ENTPD1: variants seen among roughly 807,000 people sequenced by gnomAD.
ENTPD1 encodes ectonucleoside triphosphate diphosphohydrolase 1.
ENTPD1 carries 33 observed loss-of-function variants against 57.0 expected under a neutral mutation model. The ratio of observed to expected loss-of-function variants is 0.58; its 90% CI spans 0.44 to 0.77. The LOEUF is 0.77. ENTPD1 is among the 30% of genes least tolerant of loss of function. The probability of loss-of-function intolerance (pLI) is 0.00; values close to 1 mark genes in which losing one functional copy is unlikely to be tolerated. For synonymous variants in ENTPD1, 202 were observed against 218.8 expected, an observed-to-expected ratio of 0.92 and a Z score of 0.68; for missense variants, 501 against 603.4, an observed-to-expected ratio of 0.83 and a Z score of 1.78.
At chr10:95,728,391 G>A (rs17553047) in intron 1 of ENTPD1, among the ~76,000 whole-genome samples, 1,800 of 152,290 alleles carry the variant, frequency 0.012, 18 homozygotes, top group South Asian at 0.017. Flanking sequence ...TATGGATACT[G>A]TAAGTTTATG....
intron 1 of ENTPD1, among the ~76,000 whole-genome samples, chr10:95,733,913 C>T (rs1323827304): frequency 6.6e-6 from 1 of 152,124 alleles, no homozygotes; most frequent in Non-Finnish European, 1.5e-5. Flanking sequence ...CCTTTGAAGA[C>T]CAAGAAAGAG....
chr10:95,699,942 A>G, the ENTPD1 span, among the ~76,000 whole-genome samples: 1 of 152,248 alleles, frequency 6.6e-6, no homozygotes, highest in Non-Finnish European at 1.5e-5. Context: ...AACTAGCGAT[A>G]GCAAGTAAGA....
chr10:95,826,701 G>A (rs990266571), intron 2 of ENTPD1, among the ~76,000 whole-genome samples: 4 of 152,126 alleles, frequency 2.6e-5, no homozygotes, highest in African/African-American at 9.7e-5. Context: ...ATATAAAGAT[G>A]GGGAGGTACG....
intron 1 of ENTPD1, among the ~76,000 whole-genome samples, chr10:95,809,464 C>T: frequency 6.7e-6 from 1 of 149,880 alleles, no homozygotes; most frequent in Admixed American, 6.6e-5. Context: ...AGGCGCCCCC[C>T]ACCTCCCAGA....
intron 1 of ENTPD1, among the ~76,000 whole-genome samples, chr10:95,792,178 G>A (rs991268178): frequency 6.6e-6 from 1 of 152,142 alleles, no homozygotes; most frequent in African/African-American, 2.4e-5. Flanking sequence ...CTTTGCCTGG[G>A]ACTGAGAGGT....
intron 1 of ENTPD1, among the ~76,000 whole-genome samples, chr10:95,804,436 C>T (rs1486639825): frequency 2.0e-5 from 3 of 152,158 alleles, no homozygotes; most frequent in Admixed American, 6.5e-5. Context: ...GTATTTTATT[C>T]TCTTTGAAGC....
chr10:95,837,049 T>C (rs557423360), intron 2 of ENTPD1, among the ~76,000 whole-genome samples: 2 of 152,332 alleles, frequency 1.3e-5, no homozygotes, highest in South Asian at 2.1e-4. Flanking sequence ...TAAAATATGC[T>C]TTACCCCCTT....
intron 9 of ENTPD1, among the ~76,000 whole-genome samples, chr10:95,865,423 T>C (rs1462866035): frequency 6.6e-6 from 1 of 152,176 alleles, no homozygotes; most frequent in Non-Finnish European, 1.5e-5. Flanking sequence ...TATCCAGGAA[T>C]AGAGAACCCA....
Position 95,857,799 on chromosome 10 carries a change from AT to A in ENTPD1, c.1075-2668del, listed in dbSNP as rs372109805. On this transcript the variant is annotated intron_variant, in intron 7 of 9. Coordinates refer to ENST00000371205, the MANE Select transcript of ENTPD1 (RefSeq NM_001776.6). ...CCGCGCCTGCCATCACAGAGTTGGC[AT>A]TCTAGAAAGCAGGCAGACATGAGAC... 1.1e-3 allele frequency among the ~76,000 whole-genome samples: 167 copies of A among 152,342 alleles called. 2 individuals are homozygous for A. The East Asian group carries it at 0.027, about 25-fold the overall frequency.
intron 1 of ENTPD1, among the ~76,000 whole-genome samples, chr10:95,806,762 G>T (rs1419879277): frequency 6.6e-6 from 1 of 152,190 alleles, no homozygotes; most frequent in African/African-American, 2.4e-5. Context: ...CTGCAGGTCT[G>T]TTGGAGTTTG....
Position 95,839,751 on chromosome 10 carries a change from G to A in ENTPD1, c.205G>A (p.Ala69Thr), listed in dbSNP as rs746636993. The change falls in exon 3 of 10, where the codon GCA becomes ACA. Residue 69 changes from alanine to threonine, a missense_variant. Transcript: ENST00000371205. ...HTSLYIYKWPAEKENDTGVVH... is the reference protein window; with the variant it reads ...HTSLYIYKWPTEKENDTGVVH... Reference sequence around the variant, plus strand: ...AAGTTTATACATCTATAAGTGGCCAGCAGAAAAGGAGAATGACACAGGCGT... The same window carrying A: ...AAGTTTATACATCTATAAGTGGCCAACAGAAAAGGAGAATGACACAGGCGT... The A allele has an allele frequency of 6.8e-6, 11 of 1,614,094 alleles. No individual in the cohort carries two copies. The East Asian group carries it at 2.5e-4, about 36-fold the overall frequency.
At chr10:95,813,291 A>T (rs1206634593) in intron 1 of ENTPD1, among the ~76,000 whole-genome samples, 1 of 152,188 alleles carries the variant, frequency 6.6e-6, no homozygotes, top group Non-Finnish European at 1.5e-5. Flanking sequence ...AGGAGTCATG[A>T]ATATTTATGA....
upstream of ENTPD1, chr10:95,755,783 TATC>T: frequency 6.5e-7 from 1 of 1,531,966 alleles, no homozygotes; most frequent in Non-Finnish European, 8.8e-7. Context: ...ACTTTCTTAT[TATC>T]TAGCTTCATA....
chr10:95,836,986 G>T (rs964380854), intron 2 of ENTPD1, among the ~76,000 whole-genome samples: 1 of 152,182 alleles, frequency 6.6e-6, no homozygotes, highest in Non-Finnish European at 1.5e-5. Context: ...CAGTTGCACA[G>T]GTTAGCATGC....
chr10:95,873,497 T>C lies in ENTPD1; in HGVS notation c.*7114T>C, dbSNP rs1055090299. ...CCTGGTCTTCAGTGTATTAGATGTA[T>C]TACCTCCATGCTCTCAGTAGAGGCC... is the stretch of plus-strand genomic sequence containing the variant. On this transcript the variant is annotated 3_prime_UTR_variant, in exon 10 of 10. Coordinates refer to ENST00000371205, the MANE Select transcript of ENTPD1 (RefSeq NM_001776.6). 7.1e-6 allele frequency: 7 copies of C among 985,342 alleles called. No homozygotes were observed. The highest frequency in any genetic ancestry group is 1.2e-4 in the Admixed American group (2 of 16,268). 61.0% of individuals were successfully genotyped at this position (985,342 alleles called of 1,614,324 possible).
chr10:95,762,942 C>T (rs2098072230), intron 1 of ENTPD1, among the ~76,000 whole-genome samples: 1 of 151,970 alleles, frequency 6.6e-6, no homozygotes, highest in Non-Finnish European at 1.5e-5. Flanking sequence ...CGATATACTT[C>T]TTTTGTATAC....
At chr10:95,826,963 TG>T (rs2098379377) in intron 2 of ENTPD1, among the ~76,000 whole-genome samples, 1 of 152,172 alleles carries the variant, frequency 6.6e-6, no homozygotes, top group Non-Finnish European at 1.5e-5. Flanking sequence ...AGAAAGCAGT[TG>T]GATAATCAGA....
chr10:95,729,194 C>G (rs1294701246), intron 1 of ENTPD1, among the ~76,000 whole-genome samples: 2 of 152,130 alleles, frequency 1.3e-5, no homozygotes, highest in Non-Finnish European at 2.9e-5. Flanking sequence ...CTTTCTCTTT[C>G]TGTCCTTAAA....
At chr10:95,726,030 T>C (rs145451152) in intron 1 of ENTPD1, among the ~76,000 whole-genome samples, 122 of 152,330 alleles carry the variant, frequency 8.0e-4, no homozygotes, top group Non-Finnish European at 1.5e-3. Context: ...GTGTCCATGT[T>C]ATGGGTAGAG....
Sources: gnomAD v4.1 joint callset for allele counts (sites outside exome capture counted in the v4.1 genomes callset) on GRCh38, gnomAD v4.1.1 for gene constraint, MANE v1.5 for transcripts, NCBI Gene and HGNC (gene_info 2026-07-23, HGNC 2026-07-21) for gene names.